The following TTC3 variants were observed in gnomAD, a reference collection of about 807,000 sequenced individuals.
TTC3 encodes the protein tetratricopeptide repeat domain 3, also known as E3 ubiquitin-protein ligase TTC3.
A neutral mutation model predicts 249.6 loss-of-function variants in TTC3; 180 were observed. The ratio of observed to expected loss-of-function variants is 0.72; its 90% confidence interval spans 0.64 to 0.82. The LOEUF is 0.82. TTC3 is among the 40% of genes least tolerant of loss of function. TTC3 has a pLI of 0.00. For synonymous variants in TTC3, 717 were observed against 805.0 expected, an observed-to-expected ratio of 0.89 and a Z score of 1.85; for missense variants, 2,061 against 2,398.4, an observed-to-expected ratio of 0.86 and a Z score of 2.94.
intron 34 of TTC3, among the ~76,000 whole-genome samples, chr21:37,171,942 T>C (rs1296110412): frequency 6.6e-6 from 1 of 152,220 alleles, no homozygotes; most frequent in Non-Finnish European, 1.5e-5. Flanking sequence ...GGGAGGACAG[T>C]TACCTGCAGC....
exon 27 of TTC3, chr21:37,153,259 C>G: frequency 6.2e-7 from 1 of 1,612,156 alleles, no homozygotes; most frequent in South Asian, 1.1e-5. Context: ...CGCCTGGATC[C>G]AAAAACTTAA....
intron 35 of TTC3, among the ~76,000 whole-genome samples, chr21:37,179,517 T>A (rs540663632): frequency 6.6e-6 from 1 of 152,330 alleles, no homozygotes; most frequent in African/African-American, 2.4e-5. Flanking sequence ...GCCTTTGGTG[T>A]CATAGCTAAG....
intron 11 of TTC3, among the ~76,000 whole-genome samples, chr21:37,115,197 T>TAATAATAATAATAATAATAATAAA (rs2076035759): frequency 6.7e-6 from 1 of 149,732 alleles, no homozygotes; most frequent in African/African-American, 2.4e-5. Context: ...ATAATAATAA[T>TAATAATAATAATAATAATAATAAA]AATAAAGAAA....
chr21:37,150,050 C>CTTG (rs1345265246), intron 23 of TTC3, 28 bp from the exon 24 acceptor site: 1 of 1,339,452 alleles, frequency 7.5e-7, no homozygotes, highest in African/African-American at 1.9e-5. Context: ...TAACATTTTT[C>CTTG]TTGTTTTTTT....
intron 7 of TTC3, among the ~76,000 whole-genome samples, chr21:37,092,075 CATGAATCTGTTGTTCT>C (rs1229323257): frequency 2.0e-5 from 3 of 152,156 alleles, no homozygotes; most frequent in East Asian, 3.8e-4. Flanking sequence ...TTATTTTCTT[CATGAATCTGTTGTTCT>C]TTTATGTATG....
At chr21:37,139,981 C>T (rs906490674) in intron 19 of TTC3, among the ~76,000 whole-genome samples, 1 of 152,056 alleles carries the variant, frequency 6.6e-6, no homozygotes, top group Non-Finnish European at 1.5e-5. Context: ...TTTCTTAGAA[C>T]TATGTATCTT....
intron 25 of TTC3, 116 bp downstream of exon 25, chr21:37,151,000 A>C: frequency 1.7e-6 from 1 of 604,198 alleles, no homozygotes; most frequent in Non-Finnish European, 2.8e-6. Flanking sequence ...ACATATATTC[A>C]AATAAGTGTT....
intron 34 of TTC3, among the ~76,000 whole-genome samples, chr21:37,171,835 A>G (rs1391661076): frequency 6.6e-6 from 1 of 152,110 alleles, no homozygotes; most frequent in East Asian, 1.9e-4. Flanking sequence ...GCTTTTTTAC[A>G]CTTGAAAGAT....
At chr21:37,147,831 C>T (rs989643241) in intron 22 of TTC3, among the ~76,000 whole-genome samples, 2 of 151,896 alleles carry the variant, frequency 1.3e-5, no homozygotes, top group Non-Finnish European at 2.9e-5. Context: ...TGGGTTCAAG[C>T]AATTCTCCTG....
chr21:37,170,770 A>G (rs1165286992), intron 34 of TTC3, among the ~76,000 whole-genome samples: 6 of 152,234 alleles, frequency 3.9e-5, no homozygotes, highest in Non-Finnish European at 4.4e-5. Context: ...AATAATATAT[A>G]GAGTTCTTAA....
intron 11 of TTC3, among the ~76,000 whole-genome samples, chr21:37,109,381 A>T (rs533976882): frequency 6.6e-6 from 1 of 152,310 alleles, no homozygotes; most frequent in South Asian, 2.1e-4. Flanking sequence ...CGCTTTTCCA[A>T]TGGGCTTATC....
intron 39 of TTC3, among the ~76,000 whole-genome samples, chr21:37,189,195 G>A (rs1279636555): frequency 2.6e-5 from 4 of 152,126 alleles, no homozygotes; most frequent in Non-Finnish European, 5.9e-5. Context: ...TGTTTACAAA[G>A]TATATTCACA....
chr21:37,129,171 G>C, intron 16 of TTC3, 108 bp downstream of exon 16: 1 of 550,070 alleles, frequency 1.8e-6, no homozygotes, highest in Non-Finnish European at 3.0e-6. Context: ...TATGTATTAT[G>C]ATGACTACCA....
intron 20 of TTC3, 92 bp from the exon 21 acceptor site, chr21:37,144,433 G>C: frequency 7.1e-7 from 1 of 1,408,714 alleles, no homozygotes; most frequent in Admixed American, 2.3e-5. Context: ...AAATGTATTC[G>C]TCCCAGTAAG....
intron 11 of TTC3, among the ~76,000 whole-genome samples, chr21:37,110,488 C>T (rs1261241681): frequency 1.3e-5 from 2 of 152,070 alleles, no homozygotes; most frequent in Admixed American, 1.3e-4. Context: ...TGAAATGAAG[C>T]ATGAAGATAA....
exon 28 of TTC3, chr21:37,156,748 A>C: frequency 6.2e-7 from 1 of 1,614,098 alleles, no homozygotes; most frequent in East Asian, 2.2e-5. Flanking sequence ...AATGAGAAAT[A>C]TGGTCACAAA....
chr21:37,131,436 C>T (rs993859505), intron 16 of TTC3, among the ~76,000 whole-genome samples: 4 of 152,188 alleles, frequency 2.6e-5, no homozygotes, highest in South Asian at 2.1e-4. Context: ...CATTGATGTG[C>T]TGAGAAAGTG....
chr21:37,149,542 A>C (rs2835630), intron 23 of TTC3, among the ~76,000 whole-genome samples: 1 of 151,958 alleles, frequency 6.6e-6, no homozygotes, highest in African/African-American at 2.4e-5. Context: ...TTTTAAATAC[A>C]CTCTGTAAAT....
chr21:37,158,917 G>A (rs1046084063), intron 28 of TTC3, among the ~76,000 whole-genome samples: 3 of 145,950 alleles, frequency 2.1e-5, no homozygotes, highest in Non-Finnish European at 4.5e-5. Flanking sequence ...CACTATAGTA[G>A]CCTCCAAACT....
Sources: allele counts gnomAD v4.1 joint callset (sites outside exome capture counted in the v4.1 genomes callset), GRCh38; gene constraint gnomAD v4.1.1; transcripts MANE v1.5; gene names NCBI Gene and HGNC (gene_info 2026-07-23, HGNC 2026-07-21).